The following RAB7B variants were observed in gnomAD, a reference collection of about 807,000 sequenced individuals.
RAB7B encodes ras-related protein Rab-7b.
intron 1 of RAB7B, among the ~76,000 whole-genome samples, chr1:205,998,876 G>A (rs1660848341): frequency 2.0e-5 from 3 of 152,178 alleles, no homozygotes; most frequent in African/African-American, 7.2e-5. Context: ...AGAAATGCTA[G>A]CTATTTTATT....
chr1:206,000,485 C>T (rs1660874961), intron 1 of RAB7B, among the ~76,000 whole-genome samples: 1 of 152,214 alleles, frequency 6.6e-6, no homozygotes, highest in Non-Finnish European at 1.5e-5. Context: ...CTCATCCTGG[C>T]TCCACACATT....
chr1:206,001,084 T>C (rs1252716630), intron 1 of RAB7B, among the ~76,000 whole-genome samples: 1 of 152,146 alleles, frequency 6.6e-6, no homozygotes, highest in African/African-American at 2.4e-5. Context: ...CTGAGGCTGC[T>C]ATTTTATAAG....
intron 4 of RAB7B, among the ~76,000 whole-genome samples, chr1:205,991,283 G>T (rs2102639323): frequency 6.6e-6 from 1 of 152,170 alleles, no homozygotes; most frequent in Non-Finnish European, 1.5e-5. Flanking sequence ...TGGTCCCAGT[G>T]GGGGAAAAAA....
At chr1:205,993,936 C>T (rs1185788378) in intron 2 of RAB7B, 147 bp downstream of exon 2, 6 of 395,860 alleles carry the variant, frequency 1.5e-5, no homozygotes, top group Non-Finnish European at 1.3e-5. Context: ...TTTGTCCCAA[C>T]TAAGCTTCTT....
intron 2 of RAB7B, 114 bp from the exon 3 acceptor site, chr1:205,993,660 T>A: frequency 2.5e-6 from 1 of 396,370 alleles, no homozygotes; most frequent in Admixed American, 4.4e-5. Context: ...CTCCCTGAGA[T>A]TCTGAATTTC....
At chr1:205,999,881 C>A (rs1032806397) in intron 1 of RAB7B, among the ~76,000 whole-genome samples, 6 of 152,056 alleles carry the variant, frequency 3.9e-5, no homozygotes, top group Admixed American at 6.5e-5. Flanking sequence ...GATCCTCCCC[C>A]CTCAACCTCC....
At chr1:205,988,882 T>C (rs1558144156) in intron 4 of RAB7B, among the ~76,000 whole-genome samples, 1 of 152,124 alleles carries the variant, frequency 6.6e-6, no homozygotes, top group South Asian at 2.1e-4. Flanking sequence ...GCAGAGCCCT[T>C]GCTAGGTCTG....
intron 5 of RAB7B, among the ~76,000 whole-genome samples, chr1:205,982,281 C>T (rs1425811864): frequency 3.9e-5 from 6 of 152,344 alleles, no homozygotes; most frequent in African/African-American, 1.4e-4. Context: ...GAAACCTGGT[C>T]ATCAGCCTAA....
intron 1 of RAB7B, among the ~76,000 whole-genome samples, chr1:205,997,541 TCTGACCAAAGATCCTGGCA>T (rs1660825171): frequency 6.6e-6 from 1 of 152,182 alleles, no homozygotes; most frequent in Admixed American, 6.5e-5. Flanking sequence ...GCTGTAAATA[TCTGACCAAAGATCCTGGCA>T]CTGACTCATT....
At position 205,978,102 on chromosome 1, in the gene RAB7B, T is replaced by G. The variant is rs1324948282; in HGVS notation, c.*749A>C. 1 of 152,214 alleles carries G rather than the reference T, an allele frequency of 6.6e-6. No individual in the cohort carries two copies. The highest frequency in any genetic ancestry group is 1.5e-5 in the Non-Finnish European group (1 of 68,044). 9.4% of individuals were successfully genotyped at this position (152,214 alleles called of 1,614,324 possible). On this transcript the variant is annotated 3_prime_UTR_variant, in exon 6 of 6. Transcript: ENST00000617070. ...ATAAATGCATATTGACAACAGCTAC[T>G]GGATTTAAGCACAGCTTCTGGTCCT...
intron 1 of RAB7B, among the ~76,000 whole-genome samples, chr1:205,995,798 ATATAT>A (rs1202381142): frequency 2.6e-5 from 4 of 152,176 alleles, no homozygotes; most frequent in Admixed American, 6.5e-5. Flanking sequence ...AATTCAAGAG[ATATAT>A]TATACAGCAT....
intron 1 of RAB7B, among the ~76,000 whole-genome samples, chr1:206,000,374 C>A (rs958732937): frequency 6.6e-6 from 1 of 152,212 alleles, no homozygotes. Context: ...CAGCCCAAAG[C>A]AATTTGAGCG....
intron 3 of RAB7B, among the ~76,000 whole-genome samples, chr1:205,993,093 A>C (rs1053031089): frequency 2.6e-5 from 4 of 152,210 alleles, no homozygotes; most frequent in Non-Finnish European, 5.9e-5. Flanking sequence ...CTTCTAGATC[A>C]GGCATCAGCA....
At chr1:205,994,365 T>G (rs1660775018) in intron 1 of RAB7B, 2 of 334,214 alleles carry the variant, frequency 6.0e-6, no homozygotes, top group East Asian at 8.8e-5. Flanking sequence ...GGAAGGGTGG[T>G]GACTCTCCAG....
intron 4 of RAB7B, among the ~76,000 whole-genome samples, chr1:205,988,251 T>TTGTGTTTTC (rs1265665986): frequency 7.6e-6 from 1 of 131,960 alleles, no homozygotes; most frequent in African/African-American, 2.8e-5. Flanking sequence ...TTTTTTCTTT[T>TTGTGTTTTC]AGTGTCTTGC....
intron 5 of RAB7B, among the ~76,000 whole-genome samples, chr1:205,979,979 A>G (rs1162762467): frequency 5.3e-5 from 8 of 152,192 alleles, no homozygotes; most frequent in African/African-American, 1.9e-4. Flanking sequence ...CTTAATGCTC[A>G]TGACCCTAGA....
chr1:205,999,713 A>G (rs1419784487), intron 1 of RAB7B, among the ~76,000 whole-genome samples: 1 of 152,196 alleles, frequency 6.6e-6, no homozygotes, highest in Non-Finnish European at 1.5e-5. Flanking sequence ...GACACTCTCT[A>G]CATCAATTCT....
At chr1:205,988,026 A>C (rs926017630) in intron 4 of RAB7B, among the ~76,000 whole-genome samples, 17,112 of 151,940 alleles carry the variant, frequency 0.11, 3,223 homozygotes, top group African/African-American at 0.39. Context: ...ATTACAGATA[A>C]AATGTACCTG....
In RAB7B at chr1:205,989,237, GC is replaced by G. The variant is rs1660675660; in HGVS notation, c.396+3242del. Among the ~76,000 whole-genome samples the G allele has an allele frequency of 3.9e-5, 6 of 152,094 alleles. No homozygotes were observed. The South Asian group carries it at 1.2e-3, about 32-fold the overall frequency. ...TCACGCTTCCCCAGCGCCCCCTCTT[GC>G]CTTCCCCACTGGGGCTATTTGCAGA... On this transcript the variant is annotated intron_variant, in intron 4 of 5. Transcript: ENST00000617070.
Sources: gnomAD v4.1 joint callset for allele counts (sites outside exome capture counted in the v4.1 genomes callset) on GRCh38, gnomAD v4.1.1 for gene constraint, MANE v1.5 for transcripts, NCBI Gene and HGNC (gene_info 2026-07-23, HGNC 2026-07-21) for gene names.